The following SETD2 variants were observed in gnomAD, a reference collection of about 807,000 sequenced individuals.
The protein encoded by SETD2 is SET domain containing 2, histone lysine methyltransferase, also known as histone-lysine N-methyltransferase SETD2.
A neutral mutation model predicts 242.1 loss-of-function variants in SETD2; 31 were observed. The observed-to-expected ratio is 0.13, with a 90% CI of 0.10 to 0.17. The LOEUF is 0.17. Among genes scored for constraint, SETD2 ranks in the 10% least tolerant of loss-of-function variants. SETD2 has a pLI of 1.00. For synonymous variants in SETD2, 1,006 were observed against 1,066.5 expected, an observed-to-expected ratio of 0.94 and a Z score of 1.11; for missense variants, 2,481 against 3,046.3, an observed-to-expected ratio of 0.81 and a Z score of 4.37.
rs1435969797 is a variant in SETD2, at chr3:47,163,884, TC to T, written c.40del (p.Asp14IlefsTer97). The T allele has an allele frequency of 7.6e-7, 1 of 1,317,932 alleles. No homozygotes were observed. The highest frequency in any genetic ancestry group is 9.7e-7 in the Non-Finnish European group (1 of 1,027,474). 81.6% of individuals were successfully genotyped at this position (1,317,932 alleles called of 1,614,324 possible). A position where few individuals can be genotyped will look rare whatever the true frequency, so the allele number is the denominator to read the frequency against. ...GGTCGGGTGCTCCGGGTCGTAGAAA[TC>T]CCCCATCTTCGGAGGCGGCTGCGGC... ...LQPQPPPKMG[D>X]FYDPEHPTPE... On this transcript the variant is annotated frameshift_variant, in exon 1 of 21. Transcript: ENST00000409792. LOFTEE classifies it high-confidence loss of function.
chr3:47,099,660 A>C (rs2042134587), intron 8 of SETD2, among the ~76,000 whole-genome samples: 1 of 152,158 alleles, frequency 6.6e-6, no homozygotes, highest in African/African-American at 2.4e-5. Flanking sequence ...CCCAGGCTGG[A>C]CTGTAGTAGC....
chr3:47,085,346 C>T (rs2041507830), intron 11 of SETD2, among the ~76,000 whole-genome samples: 1 of 152,186 alleles, frequency 6.6e-6, no homozygotes, highest in African/African-American at 2.4e-5. Context: ...ATACACTTAG[C>T]AGCTATGTAA....
Position 47,123,722 on chromosome 3 carries a change from G to C in SETD2, c.914C>G (p.Thr305Arg). The change falls in exon 3 of 21, where the codon ACA becomes AGA. Residue 305 changes from threonine (T) to arginine (R), a missense_variant. By Grantham distance (71) the Thr-to-Arg change is moderately conservative. Transcript: ENST00000409792. ...TTGTGAGGATTTCTTCTTAGAACCT[G>C]TTTTTTTACAGCTCAGACTAATCTT... The part of the protein sequence containing the change: ...SSKISLSCKK[T>R]GSKKKSSQSE... 6.4e-7 allele frequency: 1 copy of C among 1,551,078 alleles called. No homozygotes were observed. The highest frequency in any genetic ancestry group is 8.7e-7 in the Non-Finnish European group (1 of 1,146,694).
chr3:47,122,589 A>C lies in SETD2; in HGVS notation c.2047T>G (p.Leu683Val), dbSNP rs1249594991. 6.2e-7 allele frequency: 1 copy of C among 1,614,154 alleles called. No homozygotes were observed. Among genetic ancestry groups the C allele is most frequent in the Non-Finnish European group, 8.5e-7 (1 of 1,180,020 alleles). The change falls in exon 3 of 21, where the codon TTG becomes GTG. Residue 683 changes from leucine to valine, a missense_variant. Leu to Val is a conservative substitution (Grantham distance 32). Coordinates refer to ENST00000409792, the MANE Select transcript of SETD2 (RefSeq NM_014159.7). ...GTTTTAGAAGTGCAAAATGTTGCCA[A>C]ATCAGATTCTGCCCCAGGAGATCCA... Reference protein sequence around the residue: ...INGSPGAESDLATFCTSKTDA... With the variant: ...INGSPGAESDVATFCTSKTDA...
At chr3:47,130,180 G>A (rs2106755936) in intron 1 of SETD2, among the ~76,000 whole-genome samples, 1 of 152,276 alleles carries the variant, frequency 6.6e-6, no homozygotes, top group African/African-American at 2.4e-5. Context: ...GCAAGAAGTT[G>A]AGAGAACTGA....
intron 6 of SETD2, 23 bp downstream of exon 6, chr3:47,105,974 G>T (rs557444907): frequency 8.1e-6 from 13 of 1,606,912 alleles, no homozygotes; most frequent in Non-Finnish European, 1.1e-5. Flanking sequence ...CTGTTTCAAG[G>T]CAAACATATC....
Position 47,057,381 on chromosome 3 carries a change from G to C in SETD2, c.6403C>G (p.Gln2135Glu), listed in dbSNP as rs2107577457. Residue 2135 changes from glutamine (Q) to glutamate (E), a missense_variant, in exon 15 of 21, where the codon CAG becomes GAG. Around this residue, in one of 17 missense-constraint regions of SETD2, gnomAD observed 45 missense variants for 62.8 expected, o/e 0.72. Transcript: ENST00000409792. ...TTCTGCATCTGTTGCTGTTGTTTCT[G>C]AGCCTCCCGTTGAGCCACCTCTTGC... ...FEQEVAQREAQKQQQQMQNLG... is the reference protein window; with the variant it reads ...FEQEVAQREAEKQQQQMQNLG... 1 of 1,614,186 alleles carries C rather than the reference G, an allele frequency of 6.2e-7. No homozygotes were observed. Among genetic ancestry groups the C allele is most frequent in the Non-Finnish European group, 8.5e-7 (1 of 1,180,034 alleles).
At position 47,121,785 on chromosome 3, in the gene SETD2, T is replaced by C. The variant is rs116474867; in HGVS notation, c.2851A>G (p.Asn951Asp). 7.4e-6 allele frequency: 12 copies of C among 1,614,202 alleles called. No homozygotes were observed. The East Asian group carries it at 2.5e-4, about 33-fold the overall frequency. ...AAACATTTCCCAGATAACCCATTAT[T>C]ACGCCTGTTCTCCCTGGAAGCAAAT... is the stretch of plus-strand genomic sequence containing the variant. ...KGFASRENRRNNGLSGKCLQE... is the reference protein window; with the variant it reads ...KGFASRENRRDNGLSGKCLQE... Residue 951 changes from asparagine (N) to aspartate (D), a missense_variant, in exon 3 of 21, where the codon AAT becomes GAT. Physicochemically the swap from Asn to Asp is conservative, Grantham distance 23. Coordinates refer to ENST00000409792, the MANE Select transcript of SETD2 (RefSeq NM_014159.7).
At chr3:47,151,541 G>C (rs920320304) in intron 1 of SETD2, among the ~76,000 whole-genome samples, 2 of 151,996 alleles carry the variant, frequency 1.3e-5, no homozygotes, top group Non-Finnish European at 2.9e-5. Flanking sequence ...TCTTCTCTAA[G>C]AGCATGCCGC....
chr3:47,152,067 A>G (rs191289150), intron 1 of SETD2, among the ~76,000 whole-genome samples: 35 of 152,316 alleles, frequency 2.3e-4, no homozygotes, highest in African/African-American at 7.9e-4. Context: ...TATACTTTTC[A>G]TAATTGTGAC....
chr3:47,115,817 G>C (rs961102289), intron 4 of SETD2, among the ~76,000 whole-genome samples: 3 of 151,980 alleles, frequency 2.0e-5, no homozygotes, highest in African/African-American at 7.2e-5. Context: ...GCTAATTTTT[G>C]TATTTTTTAG....
chr3:47,046,709 T>C (rs1195282152), intron 15 of SETD2, 88 bp from the exon 16 acceptor site: 1 of 1,192,902 alleles, frequency 8.4e-7, no homozygotes, highest in Admixed American at 2.8e-5. Context: ...ATCTTAAAGA[T>C]ATACCCATAA....
intron 3 of SETD2, among the ~76,000 whole-genome samples, 162 bp from the exon 4 acceptor site, chr3:47,116,916 T>A (rs1452451354): frequency 6.6e-6 from 1 of 152,126 alleles, no homozygotes; most frequent in African/African-American, 2.4e-5. Context: ...CGATCATGGC[T>A]CACTGCAGCC....
chr3:47,070,502 T>C (rs2040774220), intron 12 of SETD2, among the ~76,000 whole-genome samples: 1 of 152,150 alleles, frequency 6.6e-6, no homozygotes, highest in Admixed American at 6.5e-5. Flanking sequence ...TTTTCCAAAG[T>C]CCCACAACAT....
intron 1 of SETD2, among the ~76,000 whole-genome samples, chr3:47,146,806 C>T (rs975726041): frequency 6.6e-6 from 1 of 151,450 alleles, no homozygotes; most frequent in African/African-American, 2.4e-5. Context: ...GGTATACTGG[C>T]GTTTGCCTGT....
At chr3:47,098,372 T>C (rs11719173) in intron 8 of SETD2, 1 of 229,150 alleles carries the variant, frequency 4.4e-6, no homozygotes, top group South Asian at 8.0e-5. Context: ...AGAGATCATA[T>C]ACATGTTTGG....
At chr3:47,059,120 T>C (rs61483792) in intron 14 of SETD2, among the ~76,000 whole-genome samples, 619 of 54,604 alleles carry the variant, frequency 0.011, no homozygotes, top group Middle Eastern at 0.045. Context: ...TTTTTTTTTT[T>C]TTTTTTTTTT....
Position 47,120,655 on chromosome 3 carries a change from T to C in SETD2, c.3981A>G (p.Val1327=), listed in dbSNP as rs1014766623. 6.2e-7 allele frequency: 1 copy of C among 1,614,118 alleles called. No homozygotes were observed. The highest frequency in any genetic ancestry group is 8.5e-7 in the Non-Finnish European group (1 of 1,180,038). The change falls in exon 3 of 21, where the codon GTA becomes GTG. Residue 1327 remains valine (V), a synonymous_variant. Coordinates refer to ENST00000409792, the MANE Select transcript of SETD2 (RefSeq NM_014159.7). Reference sequence around the variant, plus strand: ...CACGATCATCTGTTAGGGAATCTGGTACTTGTCCTTGAGTTCGATCATACA... The same window carrying C: ...CACGATCATCTGTTAGGGAATCTGGCACTTGTCCTTGAGTTCGATCATACA... ...GVVYDRTQGQ[V]PDSLTDDREE...
intron 18 of SETD2, among the ~76,000 whole-genome samples, chr3:47,023,910 G>T (rs563312069): frequency 1.7e-4 from 26 of 152,286 alleles, no homozygotes; most frequent in African/African-American, 5.3e-4. Flanking sequence ...TATGGATACA[G>T]AGTGACAACT....
Sources: gnomAD v4.1 joint callset for allele counts (sites outside exome capture counted in the v4.1 genomes callset) on GRCh38, gnomAD v4.1.1 for gene constraint, gnomAD v4.1.1 regional missense constraint, MANE v1.5 for transcripts, NCBI Gene and HGNC (gene_info 2026-07-23, HGNC 2026-07-21) for gene names.